KLHL29: variants seen among roughly 807,000 people sequenced by gnomAD.
KLHL29 encodes the protein kelch-like protein 29.
KLHL29 carries 21 observed loss-of-function variants against 80.4 expected under a neutral mutation model. That is an observed-to-expected ratio of 0.26 (90% CI 0.19 to 0.38). The LOEUF (loss-of-function observed/expected upper bound fraction) is 0.38. KLHL29 is among the 10% of genes least tolerant of loss of function. The pLI, the probability that KLHL29 is intolerant of heterozygous loss-of-function variation, is 1.00. For synonymous variants in KLHL29, 511 were observed against 526.8 expected (o/e 0.97, Z 0.41); for missense variants, 867 against 1,223.9 (o/e 0.71, Z 4.35).
At position 23,490,887 on chromosome 2, in the gene KLHL29, G is replaced by A. The variant is rs190386180; in HGVS notation, c.-46+15220G>A. On this transcript the variant is annotated intron_variant, in intron 2 of 13. Coordinates refer to ENST00000486442, the MANE Select transcript of KLHL29 (RefSeq NM_052920.2). Reference sequence around the variant, plus strand: ...GCCCATCCAGTTGCCAGCTGTGGTGGTCCAGGAGGCTGGGCTGAACCCTAG... The same window carrying A: ...GCCCATCCAGTTGCCAGCTGTGGTGATCCAGGAGGCTGGGCTGAACCCTAG... 4.9e-4 allele frequency among the ~76,000 whole-genome samples: 75 copies of A among 152,270 alleles called. No individual in the cohort carries two copies. The East Asian group carries it at 0.013, about 27-fold the overall frequency.
At chr2:23,461,183 C>T (rs1664198489) in intron 1 of KLHL29, among the ~76,000 whole-genome samples, 1 of 152,214 alleles carries the variant, frequency 6.6e-6, no homozygotes, top group Non-Finnish European at 1.5e-5. Flanking sequence ...GGAGGAAACA[C>T]TCTTGTTATC....
At chr2:23,449,597 A>G (rs1017641184) in intron 1 of KLHL29, among the ~76,000 whole-genome samples, 15 of 152,088 alleles carry the variant, frequency 9.9e-5, no homozygotes, top group Admixed American at 5.2e-4. Context: ...TCTTATAGCA[A>G]TTTCTGAGAA....
intron 3 of KLHL29, among the ~76,000 whole-genome samples, chr2:23,605,896 AG>A (rs1668709240): frequency 6.6e-6 from 1 of 151,858 alleles, no homozygotes; most frequent in African/African-American, 2.4e-5. Context: ...CAGCCTCCCA[AG>A]TAGCTGGGAT....
chr2:23,509,753 C>T (rs927401229), intron 2 of KLHL29, among the ~76,000 whole-genome samples: 3 of 152,104 alleles, frequency 2.0e-5, no homozygotes, highest in African/African-American at 7.2e-5. Flanking sequence ...AAAGCCTGAG[C>T]TTGGCCCCTG....
chr2:23,657,278 A>G lies in KLHL29; in HGVS notation c.940+14428A>G, dbSNP rs547482108. The stretch of plus-strand genomic sequence containing the variant: ...ACATGCATTTAGATTCTGAGGACGA[A>G]GGCAGTTCGTGATGTAGCGTATTCA... On this transcript the variant is annotated intron_variant, in intron 5 of 13. Transcript: ENST00000486442. Among the ~76,000 whole-genome samples, 32 of 152,344 alleles carry G rather than the reference A, an allele frequency of 2.1e-4. No homozygotes were observed. In the Middle Eastern group the frequency reaches 0.01, roughly 49 times the overall value.
chr2:23,597,305 A>ATGTGTGTGTGTGTGTGTGTGTGTG (rs1414492384), intron 3 of KLHL29, among the ~76,000 whole-genome samples: 12 of 97,598 alleles, frequency 1.2e-4, no homozygotes, highest in African/African-American at 1.4e-4. Flanking sequence ...TCATATATAT[A>ATGTGTGTGTGTGTGTGTGTGTGTG]TATATGTGTG....
At chr2:23,552,278 A>G (rs1207961499) in intron 2 of KLHL29, among the ~76,000 whole-genome samples, 1 of 152,246 alleles carries the variant, frequency 6.6e-6, no homozygotes, top group Non-Finnish European at 1.5e-5. Context: ...ACTTCTGGCC[A>G]TGCTGGCTGT....
chr2:23,612,920 A>T (rs1040547639), intron 3 of KLHL29, among the ~76,000 whole-genome samples: 1 of 152,224 alleles, frequency 6.6e-6, no homozygotes, highest in African/African-American at 2.4e-5. Flanking sequence ...AAGATAAAAA[A>T]TCTCTTATGA....
chr2:23,674,305 A>G (rs1670864616), intron 5 of KLHL29, among the ~76,000 whole-genome samples: 1 of 152,160 alleles, frequency 6.6e-6, no homozygotes, highest in Non-Finnish European at 1.5e-5. Flanking sequence ...AAGGGGCCAA[A>G]CAGACACAAG....
chr2:23,552,813 G>A (rs1667163960), intron 2 of KLHL29, among the ~76,000 whole-genome samples: 1 of 130,642 alleles, frequency 7.7e-6, no homozygotes, highest in Non-Finnish European at 1.5e-5. Context: ...AGGCTGAAGT[G>A]CAATGGCACA....
intron 2 of KLHL29, among the ~76,000 whole-genome samples, chr2:23,512,042 C>T (rs142790958): frequency 1.7e-4 from 26 of 152,282 alleles, no homozygotes; most frequent in Admixed American, 5.9e-4. Context: ...ATGGCGGTGA[C>T]GGAACCCGCA....
intron 3 of KLHL29, among the ~76,000 whole-genome samples, chr2:23,604,136 G>GTTTTTTTAT (rs113951270): frequency 2.0e-5 from 3 of 151,000 alleles, no homozygotes; most frequent in Admixed American, 6.6e-5. Context: ...TTTCTTTTTT[G>GTTTTTTTAT]TTTTTTTATT....
intron 5 of KLHL29, among the ~76,000 whole-genome samples, chr2:23,656,217 G>A (rs1015924373): frequency 3.9e-5 from 6 of 152,192 alleles, no homozygotes; most frequent in South Asian, 4.1e-4. Flanking sequence ...GTGCCTACCC[G>A]CCAAGGGGAC....
intron 1 of KLHL29, among the ~76,000 whole-genome samples, chr2:23,456,127 C>A (rs1322537760): frequency 6.6e-6 from 1 of 152,174 alleles, no homozygotes; most frequent in Non-Finnish European, 1.5e-5. Flanking sequence ...ACCACCCAGC[C>A]TTTGGTATTT....
intron 1 of KLHL29, among the ~76,000 whole-genome samples, chr2:23,403,027 A>G (rs1229802272): frequency 1.3e-5 from 2 of 149,626 alleles, no homozygotes; most frequent in Non-Finnish European, 2.9e-5. Flanking sequence ...TATAGTGTAC[A>G]CTATAATGTC....
At chr2:23,706,388 G>A (rs370503130) in intron 13 of KLHL29, 93 bp from the exon 14 acceptor site, 29 of 999,500 alleles carry the variant, frequency 2.9e-5, no homozygotes, top group East Asian at 1.3e-4. Flanking sequence ...AAAAGGCACA[G>A]GCAGCCTACA....
chr2:23,436,059 T>C (rs1450201978), intron 1 of KLHL29, among the ~76,000 whole-genome samples: 1 of 152,156 alleles, frequency 6.6e-6, no homozygotes. Context: ...CTCCAACTCC[T>C]CTTAAAGTAT....
At chr2:23,402,428 C>T (rs1666617993) in intron 1 of KLHL29, among the ~76,000 whole-genome samples, 1 of 152,254 alleles carries the variant, frequency 6.6e-6, no homozygotes, top group Admixed American at 6.5e-5. Context: ...TTCCAGGACA[C>T]TAACCTAGTG....
At chr2:23,450,337 T>G (rs1663840036) in intron 1 of KLHL29, among the ~76,000 whole-genome samples, 1 of 152,158 alleles carries the variant, frequency 6.6e-6, no homozygotes, top group Admixed American at 6.5e-5. Flanking sequence ...CAGGGTTGTT[T>G]TTCTATAGCT....
Sources: allele counts gnomAD v4.1 joint callset (sites outside exome capture counted in the v4.1 genomes callset), GRCh38; gene constraint gnomAD v4.1.1; transcripts MANE v1.5; gene names NCBI Gene and HGNC (gene_info 2026-07-23, HGNC 2026-07-21).